The following ATP6V0D2 variants were observed in gnomAD, a reference collection of about 807,000 sequenced individuals.
The protein encoded by ATP6V0D2 is ATPase H+ transporting V0 subunit d2.
In ATP6V0D2, 40 loss-of-function variants were observed where a neutral mutation model predicts 40.0. The observed-to-expected ratio is 1.00, with a 90% CI of 0.78 to 1.30. ATP6V0D2 has a LOEUF of 1.30. Ranked by LOEUF, ATP6V0D2 falls within the 50% of genes most tolerant of loss-of-function variation. The pLI, the probability that ATP6V0D2 is intolerant of heterozygous loss-of-function variation, is 0.00. For missense variants in ATP6V0D2, 470 were observed against 423.1 expected (o/e 1.11, Z -0.97); for synonymous variants, 179 against 156.3 (o/e 1.15, Z -1.08).
At chr8:86,139,669 T>A (rs1818948743) in intron 3 of ATP6V0D2, 34 bp downstream of exon 3, 1 of 1,527,454 alleles carries the variant, frequency 6.5e-7, no homozygotes, top group African/African-American at 1.4e-5. Flanking sequence ...TAGCTGCTTG[T>A]GTATGTTATC....
chr8:86,140,236 A>C (rs967065567), intron 3 of ATP6V0D2, among the ~76,000 whole-genome samples: 4 of 152,222 alleles, frequency 2.6e-5, no homozygotes, highest in Non-Finnish European at 5.9e-5. Flanking sequence ...TATAAGCATC[A>C]TTATCTAATA....
chr8:86,131,574 C>A (rs188784161), intron 2 of ATP6V0D2, among the ~76,000 whole-genome samples: 1 of 152,098 alleles, frequency 6.6e-6, no homozygotes, highest in East Asian at 1.9e-4. Context: ...GATCTCAGCT[C>A]ACTGCAACTT....
chr8:86,147,922 C>T (rs1022725975), intron 5 of ATP6V0D2, among the ~76,000 whole-genome samples: 1 of 152,120 alleles, frequency 6.6e-6, no homozygotes, highest in Non-Finnish European at 1.5e-5. Context: ...GCCCTTTCTT[C>T]TTATATTCAT....
intron 2 of ATP6V0D2, among the ~76,000 whole-genome samples, chr8:86,137,498 C>A (rs1313729336): frequency 6.6e-6 from 1 of 152,182 alleles, no homozygotes; most frequent in East Asian, 1.9e-4. Flanking sequence ...TTTAAACTAA[C>A]CCCTCCTGAC....
At position 86,145,305 on chromosome 8, in the gene ATP6V0D2, GA is replaced by G. The variant is rs376979027; in HGVS notation, c.639+2354del. The stretch of plus-strand genomic sequence containing the variant: ...AGAAAGAAAGAAAGAAAGAAAGAAA[GA>G]AAGAAAAGAAAGAAGGAAAGAAGGA... On this transcript the variant is annotated intron_variant, in intron 5 of 7. Coordinates refer to ENST00000285393, the MANE Select transcript of ATP6V0D2 (RefSeq NM_152565.1). Among the ~76,000 whole-genome samples the G allele has an allele frequency of 1.6e-3, 144 of 88,372 alleles. 8 individuals carry two copies. Among genetic ancestry groups the G allele is most frequent in the Middle Eastern group, 7.9e-3 (1 of 126 alleles). 58.0% of individuals were successfully genotyped at this position (88,372 alleles called of 152,430 possible).
intron 5 of ATP6V0D2, among the ~76,000 whole-genome samples, chr8:86,147,885 C>T (rs993895501): frequency 6.6e-6 from 1 of 152,126 alleles, no homozygotes; most frequent in African/African-American, 2.4e-5. Context: ...AGATGGAGGG[C>T]TCAGATAACC....
intron 4 of ATP6V0D2, 73 bp downstream of exon 4, chr8:86,141,602 T>G: frequency 9.1e-7 from 1 of 1,103,346 alleles, no homozygotes. Context: ...CTATTAAAAC[T>G]TACTTTACTC....
chr8:86,100,960 T>C (rs980687698), intron 1 of ATP6V0D2, among the ~76,000 whole-genome samples: 4 of 151,864 alleles, frequency 2.6e-5, no homozygotes, highest in East Asian at 1.9e-4. Flanking sequence ...AGGTGGCTCA[T>C]GCCTGTAAAA....
At chr8:86,117,650 A>G (rs1437378916) in intron 2 of ATP6V0D2, among the ~76,000 whole-genome samples, 3 of 152,222 alleles carry the variant, frequency 2.0e-5, no homozygotes, top group Non-Finnish European at 4.4e-5. Context: ...TCACAAATAT[A>G]CATACAGCTA....
rs1459022489 is a variant in ATP6V0D2 at position 86,127,190 on chromosome 8, C to T, written c.303-12267C>T. Among the ~76,000 whole-genome samples the T allele has an allele frequency of 2.0e-5, 3 of 152,130 alleles. No homozygotes were observed. In the East Asian group the frequency reaches 5.8e-4, roughly 29 times the overall value. ...GTTTATGGGGATATTCTAAATTCAGCTGACTAGGAAATCACGCGATATGAC... is the reference window on the plus strand; with the variant it reads ...GTTTATGGGGATATTCTAAATTCAGTTGACTAGGAAATCACGCGATATGAC... On this transcript the variant is annotated intron_variant, in intron 2 of 7. Coordinates refer to ENST00000285393, the MANE Select transcript of ATP6V0D2 (RefSeq NM_152565.1).
chr8:86,112,284 CT>C (rs1818536451), intron 1 of ATP6V0D2, among the ~76,000 whole-genome samples: 1 of 152,084 alleles, frequency 6.6e-6, no homozygotes, highest in Non-Finnish European at 1.5e-5. Flanking sequence ...ATAATTCTGC[CT>C]GAGATAATTA....
chr8:86,114,530 C>T (rs183497284), intron 2 of ATP6V0D2, among the ~76,000 whole-genome samples: 1 of 152,062 alleles, frequency 6.6e-6, no homozygotes, highest in African/African-American at 2.4e-5. Flanking sequence ...ATTAGCCAGG[C>T]GTGGTGGCAC....
intron 1 of ATP6V0D2, among the ~76,000 whole-genome samples, chr8:86,104,770 A>G (rs555092782): frequency 1.3e-5 from 2 of 151,844 alleles, no homozygotes; most frequent in Admixed American, 6.6e-5. Flanking sequence ...TTCCTTAGAC[A>G]TTATTTGTAC....
chr8:86,113,350 C>T (rs1239524716), intron 1 of ATP6V0D2, among the ~76,000 whole-genome samples: 1 of 151,978 alleles, frequency 6.6e-6, no homozygotes, highest in East Asian at 1.9e-4. Flanking sequence ...GGTATAGTGG[C>T]ACACGCCTGT....
intron 2 of ATP6V0D2, among the ~76,000 whole-genome samples, chr8:86,126,236 C>CTATATATATATATA (rs60590702): frequency 0.029 from 2,194 of 76,866 alleles, 196 homozygotes; most frequent in East Asian, 0.089. Flanking sequence ...CGTGCTCAGC[C>CTATATATATATATA]TATATATATA....
chr8:86,139,322 G>A, intron 2 of ATP6V0D2, 135 bp from the exon 3 acceptor site: 1 of 651,748 alleles, frequency 1.5e-6, no homozygotes, highest in Non-Finnish European at 2.4e-6. Flanking sequence ...AAACCCCAGT[G>A]TTTAAAATAA....
chr8:86,121,189 T>C (rs1818664026), intron 2 of ATP6V0D2, among the ~76,000 whole-genome samples: 2 of 152,224 alleles, frequency 1.3e-5, no homozygotes, highest in South Asian at 4.1e-4. Context: ...CCATGATCTG[T>C]CCCATCATGT....
At chr8:86,105,616 C>T (rs370247687) in intron 1 of ATP6V0D2, among the ~76,000 whole-genome samples, 4 of 131,210 alleles carry the variant, frequency 3.0e-5, no homozygotes, top group South Asian at 2.4e-4. Context: ...CTTCTTTTTT[C>T]TTTTCTTTTT....
At chr8:86,130,108 T>G (rs1455026442) in intron 2 of ATP6V0D2, among the ~76,000 whole-genome samples, 4 of 152,160 alleles carry the variant, frequency 2.6e-5, no homozygotes, top group Non-Finnish European at 2.9e-5. Flanking sequence ...CAAAAGCTAT[T>G]CTAATAGCTA....
Sources: allele counts gnomAD v4.1 joint callset (sites outside exome capture counted in the v4.1 genomes callset), GRCh38; gene constraint gnomAD v4.1.1; transcripts MANE v1.5; gene names NCBI Gene and HGNC (gene_info 2026-07-23, HGNC 2026-07-21).